NRP1: variants seen among roughly 807,000 people sequenced by gnomAD.
NRP1 encodes the protein neuropilin 1.
NRP1 carries 35 observed loss-of-function variants against 106.7 expected under a neutral mutation model. The ratio of observed to expected loss-of-function variants is 0.33; its 90% confidence interval spans 0.25 to 0.43. The LOEUF (loss-of-function observed/expected upper bound fraction) is 0.43, where lower values mean the gene tolerates loss of function less well. NRP1 is among the 20% of genes least tolerant of loss of function. NRP1 has a pLI of 1.00. For missense variants in NRP1, 1,024 were observed against 1,170.4 expected (o/e 0.87, Z 1.83); for synonymous variants, 437 against 417.9 (o/e 1.05, Z -0.56).
intron 2 of NRP1, among the ~76,000 whole-genome samples, chr10:33,296,961 G>A (rs942205651): frequency 3.4e-4 from 52 of 151,874 alleles, no homozygotes; most frequent in African/African-American, 2.2e-4. Flanking sequence ...CCCAGGAGGC[G>A]GAGTTTGCAG....
At chr10:33,219,788 T>C (rs185057194) in intron 8 of NRP1, among the ~76,000 whole-genome samples, 1 of 149,782 alleles carries the variant, frequency 6.7e-6, no homozygotes, top group African/African-American at 2.4e-5. Flanking sequence ...ACTAACATGT[T>C]TGGAGTCTTT....
chr10:33,210,806 T>G (rs1368841347), intron 9 of NRP1, among the ~76,000 whole-genome samples: 3 of 152,230 alleles, frequency 2.0e-5, no homozygotes, highest in African/African-American at 7.2e-5. Flanking sequence ...GTACTTGGCA[T>G]CTTAAGAGGT....
intron 6 of NRP1, among the ~76,000 whole-genome samples, chr10:33,241,721 T>TA (rs60012667): frequency 0.015 from 2,146 of 143,718 alleles, 54 homozygotes; most frequent in African/African-American, 0.05. Flanking sequence ...TTGGAAAGGC[T>TA]AAAAAAAAAA....
At chr10:33,244,350 A>T (rs1489409307) in intron 6 of NRP1, among the ~76,000 whole-genome samples, 2 of 152,214 alleles carry the variant, frequency 1.3e-5, no homozygotes, top group African/African-American at 4.8e-5. Context: ...ACTCTGTAAA[A>T]GGTGCAATTA....
Position 33,199,389 on chromosome 10 carries a change from ATTTTTTTTTTT to A in NRP1, c.1865-1691_1865-1681del, listed in dbSNP as rs1160327036. On this transcript the variant is annotated intron_variant, in intron 11 of 16. Coordinates refer to ENST00000374867, the MANE Select transcript of NRP1 (RefSeq NM_003873.7). ...TTTCTATATATATATATATATATAT[ATTTTTTTTTTT>A]TTTTTTTTTTTTTTTTTTTTTGGCG... Among the ~76,000 whole-genome samples the A allele has an allele frequency of 6.0e-4, 22 of 36,842 alleles. 1 individual carries two copies. The South Asian group carries it at 0.02, about 33-fold the overall frequency. 24.2% of individuals were successfully genotyped at this position (36,842 alleles called of 152,430 possible).
chr10:33,221,831 A>G lies in NRP1; in HGVS notation c.1170T>C (p.Val390=). 6.2e-7 allele frequency: 1 copy of G among 1,614,050 alleles called. No individual in the cohort carries two copies. Among genetic ancestry groups the G allele is most frequent in the Non-Finnish European group, 8.5e-7 (1 of 1,179,926 alleles). The change falls in exon 8 of 17, where the codon GTT becomes GTC. Residue 390 remains valine (V), a synonymous_variant. Transcript: ENST00000374867. ...GTGGTTTGGGGAATACTGCAACCAC[A>G]ACATCTGTGGGGTTGGTGTTTCCCT... ...LFQGNTNPTD[V]VVAVFPKPLI... is the part of the protein sequence containing the mutation.
chr10:33,238,530 G>A (rs1024562161), intron 6 of NRP1, among the ~76,000 whole-genome samples: 2 of 152,176 alleles, frequency 1.3e-5, no homozygotes, highest in African/African-American at 4.8e-5. Flanking sequence ...TAGACAGTGA[G>A]GGAAAGAGTC....
At chr10:33,194,552 C>G in intron 12 of NRP1, 1 of 296,998 alleles carries the variant, frequency 3.4e-6, no homozygotes, top group Non-Finnish European at 7.0e-6. Flanking sequence ...AGGCACTTCT[C>G]GCTTCAGAGA....
intron 2 of NRP1, among the ~76,000 whole-genome samples, chr10:33,279,590 G>C (rs2776924): frequency 0.6 from 91,430 of 152,050 alleles, 28,115 homozygotes; most frequent in East Asian, 0.82. Flanking sequence ...CTCATGATTT[G>C]GTACCTTAAT....
intron 15 of NRP1, among the ~76,000 whole-genome samples, chr10:33,185,195 T>C (rs1835920720): frequency 1.3e-5 from 2 of 152,244 alleles, no homozygotes; most frequent in South Asian, 4.1e-4. Context: ...GCTTCTATGG[T>C]TCATTAACAA....
At chr10:33,326,310 C>T (rs1392563976) in intron 2 of NRP1, among the ~76,000 whole-genome samples, 2 of 152,070 alleles carry the variant, frequency 1.3e-5, no homozygotes, top group East Asian at 1.9e-4. Flanking sequence ...CTAACTAGTT[C>T]GATGTACATA....
At chr10:33,287,897 TG>T (rs1844695516) in intron 2 of NRP1, among the ~76,000 whole-genome samples, 1 of 152,158 alleles carries the variant, frequency 6.6e-6, no homozygotes, top group Non-Finnish European at 1.5e-5. Flanking sequence ...CATAGCAGCT[TG>T]TCTGCCATGG....
intron 2 of NRP1, among the ~76,000 whole-genome samples, chr10:33,294,358 C>T (rs1017693623): frequency 1.3e-5 from 2 of 152,214 alleles, no homozygotes; most frequent in Admixed American, 6.5e-5. Flanking sequence ...TGGCTCACGC[C>T]TGTAATCCCA....
At chr10:33,301,108 A>G (rs1379257561) in intron 2 of NRP1, among the ~76,000 whole-genome samples, 1 of 152,144 alleles carries the variant, frequency 6.6e-6, no homozygotes, top group Non-Finnish European at 1.5e-5. Flanking sequence ...ACAAAACAAC[A>G]CAAATGTTGT....
chr10:33,191,882 G>A (rs1292068813), intron 13 of NRP1, among the ~76,000 whole-genome samples: 4 of 150,490 alleles, frequency 2.7e-5, no homozygotes, highest in African/African-American at 9.8e-5. Context: ...GGAGGCTGAG[G>A]CAAGAGAATC....
chr10:33,253,859 T>C (rs532707512), intron 6 of NRP1, among the ~76,000 whole-genome samples, 169 bp downstream of exon 6: 1 of 152,332 alleles, frequency 6.6e-6, no homozygotes, highest in Non-Finnish European at 1.5e-5. Flanking sequence ...CAGTGATTTA[T>C]ACCTGATGGC....
intron 11 of NRP1, among the ~76,000 whole-genome samples, chr10:33,199,587 A>G (rs1378752822): frequency 6.6e-6 from 1 of 150,942 alleles, no homozygotes; most frequent in East Asian, 2.0e-4. Flanking sequence ...CTTTTAACCC[A>G]CTGAGTTTGG....
Position 33,180,085 on chromosome 10 carries a change from C to T in NRP1, c.2763G>A (p.Ser921=), listed in dbSNP as rs148861664. 22 of 1,613,702 alleles carry T rather than the reference C, an allele frequency of 1.4e-5. No individual in the cohort carries two copies. Among genetic ancestry groups the T allele is most frequent in the African/African-American group, 6.7e-5 (5 of 74,898 alleles). Residue 921 remains serine (S), a synonymous_variant, in exon 17 of 17, where the codon TCG becomes TCA. Coordinates refer to ENST00000374867, the MANE Select transcript of NRP1 (RefSeq NM_003873.7). The part of the protein sequence containing the change: ...KDKLNTQSTY[S]EA Reference sequence around the variant, plus strand: ...TCATCTCTGTCTGCCTTCATGCCTCCGAATAAGTACTCTGTGTATTCAGTT... The same window carrying T: ...TCATCTCTGTCTGCCTTCATGCCTCTGAATAAGTACTCTGTGTATTCAGTT...
intron 9 of NRP1, chr10:33,212,846 A>G (rs567477841): frequency 2.0e-4 from 36 of 180,548 alleles, no homozygotes; most frequent in African/African-American, 8.3e-4. Context: ...AATTTTTTGT[A>G]TTTTAGTAGA....
Sources: allele counts gnomAD v4.1 joint callset (sites outside exome capture counted in the v4.1 genomes callset), GRCh38; gene constraint gnomAD v4.1.1; transcripts MANE v1.5; gene names NCBI Gene and HGNC (gene_info 2026-07-23, HGNC 2026-07-21).